STK39: variants seen among roughly 807,000 people sequenced by gnomAD.
STK39 encodes STE20/SPS1-related proline-alanine-rich protein kinase.
In STK39, 20 loss-of-function variants were observed where a neutral mutation model predicts 77.8. The ratio of observed to expected loss-of-function variants is 0.26; its 90% CI spans 0.18 to 0.37. The LOEUF (loss-of-function observed/expected upper bound fraction) is 0.37, where lower values mean the gene tolerates loss of function less well. Among genes scored for constraint, STK39 ranks in the 10% least tolerant of loss-of-function variants. The probability of loss-of-function intolerance (pLI) is 1.00; values close to 1 mark genes in which losing one functional copy is unlikely to be tolerated. For missense variants in STK39, 479 were observed against 656.5 expected, an observed-to-expected ratio of 0.73 and a Z score of 2.95; for synonymous variants, 246 against 234.1, an observed-to-expected ratio of 1.05 and a Z score of -0.47.
intron 16 of STK39, among the ~76,000 whole-genome samples, chr2:167,999,986 G>C (rs1219735413): frequency 6.6e-6 from 1 of 152,190 alleles, no homozygotes; most frequent in Non-Finnish European, 1.5e-5. Context: ...TCTTCAAGCA[G>C]TCTTTTGGGC....
chr2:168,171,125 G>A (rs1301934836), intron 2 of STK39, among the ~76,000 whole-genome samples: 3 of 152,318 alleles, frequency 2.0e-5, no homozygotes, highest in African/African-American at 7.2e-5. Context: ...TGACAGAGCT[G>A]TTCATGCAGC....
intron 14 of STK39, among the ~76,000 whole-genome samples, chr2:168,045,672 T>C (rs1044674518): frequency 6.6e-6 from 1 of 152,166 alleles, no homozygotes; most frequent in East Asian, 1.9e-4. Context: ...ACCCTAGCAC[T>C]GTTCCTAGGA....
At chr2:168,210,123 T>C (rs1689854530) in intron 1 of STK39, among the ~76,000 whole-genome samples, 1 of 151,276 alleles carries the variant, frequency 6.6e-6, no homozygotes, top group Admixed American at 6.6e-5. Flanking sequence ...TTCTCACCCA[T>C]GCTGCAAAAA....
chr2:168,022,465 C>A (rs949646648), intron 14 of STK39, among the ~76,000 whole-genome samples: 1 of 152,128 alleles, frequency 6.6e-6, no homozygotes, highest in East Asian at 1.9e-4. Context: ...AGCTTCTTCC[C>A]CATCTAAAGG....
intron 16 of STK39, among the ~76,000 whole-genome samples, chr2:167,995,725 A>T (rs1048597834): frequency 6.6e-6 from 1 of 152,222 alleles, no homozygotes; most frequent in Non-Finnish European, 1.5e-5. Context: ...GAGAGCAGAA[A>T]TTAAAGGAGA....
chr2:167,998,364 T>G (rs1471249642), intron 16 of STK39, among the ~76,000 whole-genome samples: 1 of 152,244 alleles, frequency 6.6e-6, no homozygotes. Context: ...CGACTGCAAT[T>G]AATGGACTTG....
Position 168,064,754 on chromosome 2 carries a change from G to A in STK39, c.1305+565C>T, listed in dbSNP as rs561007519. Among the ~76,000 whole-genome samples, 5 of 152,330 alleles carry A rather than the reference G, an allele frequency of 3.3e-5. No homozygotes were observed. The South Asian group carries it at 1.0e-3, about 32-fold the overall frequency. Reference sequence around the variant, plus strand: ...GTTAATTATACAGCAGAACCAGAATGCAGGCCTGTGCTCTGGTTCTATGCC... The same window carrying A: ...GTTAATTATACAGCAGAACCAGAATACAGGCCTGTGCTCTGGTTCTATGCC... On this transcript the variant is annotated intron_variant, in intron 13 of 17. Coordinates refer to ENST00000355999, the MANE Select transcript of STK39 (RefSeq NM_013233.3).
chr2:168,116,321 T>G (rs1020594422), intron 10 of STK39, among the ~76,000 whole-genome samples: 1 of 152,196 alleles, frequency 6.6e-6, no homozygotes, highest in Non-Finnish European at 1.5e-5. Context: ...ATTTTGTATA[T>G]GTCTATATGT....
chr2:168,083,725 G>A (rs1168125729), intron 10 of STK39, among the ~76,000 whole-genome samples: 1 of 151,948 alleles, frequency 6.6e-6, no homozygotes, highest in Non-Finnish European at 1.5e-5. Flanking sequence ...TGGGATCTAG[G>A]GGGCTGGTTT....
chr2:168,033,379 G>A (rs1261812059), intron 14 of STK39, among the ~76,000 whole-genome samples: 1 of 152,188 alleles, frequency 6.6e-6, no homozygotes, highest in Non-Finnish European at 1.5e-5. Flanking sequence ...CCATTGAAGA[G>A]ACTTCCGGCT....
At chr2:168,229,796 C>G (rs1288372032) in intron 1 of STK39, among the ~76,000 whole-genome samples, 1 of 152,084 alleles carries the variant, frequency 6.6e-6, no homozygotes, top group Non-Finnish European at 1.5e-5. Context: ...GAAAGTCAGT[C>G]TGGAATAAAA....
At chr2:168,213,793 T>C (rs1437723015) in intron 1 of STK39, among the ~76,000 whole-genome samples, 1 of 152,216 alleles carries the variant, frequency 6.6e-6, no homozygotes, top group Non-Finnish European at 1.5e-5. Context: ...TTTAGCTTAT[T>C]TTCCTTGCTT....
chr2:168,117,909 G>T (rs182208929), intron 10 of STK39, among the ~76,000 whole-genome samples: 88 of 152,210 alleles, frequency 5.8e-4, no homozygotes, highest in Middle Eastern at 3.4e-3. Context: ...TTTTCAATCA[G>T]GGAGAAAAGA....
intron 1 of STK39, among the ~76,000 whole-genome samples, chr2:168,240,507 G>A (rs1690731538): frequency 6.6e-6 from 1 of 152,226 alleles, no homozygotes; most frequent in Non-Finnish European, 1.5e-5. Flanking sequence ...TCAAATCAAA[G>A]AAGATCTCAA....
chr2:167,992,741 T>C (rs1454064212), intron 16 of STK39, among the ~76,000 whole-genome samples: 1 of 152,206 alleles, frequency 6.6e-6, no homozygotes, highest in Non-Finnish European at 1.5e-5. Context: ...GAAAAACCTG[T>C]AATATATAAT....
At chr2:168,225,732 A>G (rs1517320) in intron 1 of STK39, among the ~76,000 whole-genome samples, 122,386 of 152,112 alleles carry the variant, frequency 0.8, 49,241 homozygotes, top group Non-Finnish European at 0.82. Flanking sequence ...TTTGCTGATT[A>G]GGGTGACATG....
chr2:167,977,827 A>G (rs564453618), intron 16 of STK39, among the ~76,000 whole-genome samples: 25 of 144,084 alleles, frequency 1.7e-4, no homozygotes, highest in Non-Finnish European at 3.7e-4. Context: ...GGGAATTGCA[A>G]TGGAGAAAAG....
intron 14 of STK39, among the ~76,000 whole-genome samples, chr2:168,023,377 A>C (rs773412380): frequency 6.6e-6 from 1 of 152,138 alleles, no homozygotes; most frequent in Non-Finnish European, 1.5e-5. Flanking sequence ...CACAACGAAC[A>C]ATCAAACGAG....
chr2:167,956,062 A>G (rs907177910), intron 17 of STK39, among the ~76,000 whole-genome samples: 3 of 152,202 alleles, frequency 2.0e-5, no homozygotes, highest in African/African-American at 7.2e-5. Context: ...GTCATCACCA[A>G]GTACTGCGAT....
Sources: allele counts gnomAD v4.1 joint callset (sites outside exome capture counted in the v4.1 genomes callset), GRCh38; gene constraint gnomAD v4.1.1; transcripts MANE v1.5; gene names NCBI Gene and HGNC (gene_info 2026-07-23, HGNC 2026-07-21).